Variants in FBXL7 observed in about 807,000 individuals in gnomAD.
The protein encoded by FBXL7 is F-box/LRR-repeat protein 7.
In FBXL7, 12 loss-of-function variants were observed where a neutral mutation model predicts 38.3. That is an observed-to-expected ratio of 0.31 (90% confidence interval 0.20 to 0.51). The LOEUF (loss-of-function observed/expected upper bound fraction) is 0.51. Among genes scored for constraint, FBXL7 ranks in the 20% least tolerant of loss-of-function variants. The pLI, the probability that FBXL7 is intolerant of heterozygous loss-of-function variation, is 0.98. For missense variants in FBXL7, 567 were observed against 676.4 expected, an observed-to-expected ratio of 0.84 and a Z score of 1.79; for synonymous variants, 297 against 300.9, an observed-to-expected ratio of 0.99 and a Z score of 0.13.
At chr5:15,876,120 G>C (rs1235680305) in intron 2 of FBXL7, among the ~76,000 whole-genome samples, 1 of 152,114 alleles carries the variant, frequency 6.6e-6, no homozygotes, top group Non-Finnish European at 1.5e-5. Flanking sequence ...GATGAAGCTG[G>C]AAACCATCAT....
intron 1 of FBXL7, among the ~76,000 whole-genome samples, chr5:15,527,780 G>A (rs1489659857): frequency 6.6e-6 from 1 of 152,128 alleles, no homozygotes; most frequent in East Asian, 1.9e-4. Context: ...GGAACTGTAG[G>A]TCATCTGTAC....
chr5:15,665,093 T>C, intron 2 of FBXL7, among the ~76,000 whole-genome samples: 1 of 152,190 alleles, frequency 6.6e-6, no homozygotes, highest in East Asian at 1.9e-4. Flanking sequence ...CTTAGTGCCT[T>C]AAGCCTTATG....
At chr5:15,605,683 T>G (rs1344474575) in intron 1 of FBXL7, among the ~76,000 whole-genome samples, 1 of 152,184 alleles carries the variant, frequency 6.6e-6, no homozygotes, top group African/African-American at 2.4e-5. Context: ...ATTATGAATG[T>G]AATTAATGCA....
intron 2 of FBXL7, among the ~76,000 whole-genome samples, chr5:15,740,149 A>G (rs961041894): frequency 6.6e-6 from 1 of 152,154 alleles, no homozygotes; most frequent in African/African-American, 2.4e-5. Context: ...TGGGAAGAAT[A>G]CCCCATAACT....
intron 2 of FBXL7, among the ~76,000 whole-genome samples, chr5:15,798,310 G>C (rs181437342): frequency 6.6e-6 from 1 of 152,174 alleles, no homozygotes; most frequent in Non-Finnish European, 1.5e-5. Context: ...GCTCAAGGAT[G>C]TTGGAAAAGC....
At chr5:15,633,569 C>T (rs184209633) in intron 2 of FBXL7, among the ~76,000 whole-genome samples, 5 of 151,754 alleles carry the variant, frequency 3.3e-5, no homozygotes, top group African/African-American at 1.2e-4. Flanking sequence ...AACTGAAGTT[C>T]CAACACAAGG....
chr5:15,645,945 G>T (rs2126563127), intron 2 of FBXL7, among the ~76,000 whole-genome samples: 1 of 152,264 alleles, frequency 6.6e-6, no homozygotes, highest in Admixed American at 6.5e-5. Flanking sequence ...ATCATGTGCG[G>T]CCAGTTGCTT....
intron 1 of FBXL7, among the ~76,000 whole-genome samples, chr5:15,564,035 C>T (rs1738491396): frequency 1.3e-5 from 2 of 152,044 alleles, no homozygotes; most frequent in African/African-American, 4.8e-5. Context: ...AACCATTCTT[C>T]CTGGTTCACA....
At chr5:15,568,437 G>GT (rs1370487480) in intron 1 of FBXL7, among the ~76,000 whole-genome samples, 4 of 151,606 alleles carry the variant, frequency 2.6e-5, no homozygotes, top group African/African-American at 9.7e-5. Flanking sequence ...TTTTTGATGG[G>GT]GTTTTTTTTT....
intron 2 of FBXL7, among the ~76,000 whole-genome samples, chr5:15,884,365 C>A (rs2126347730): frequency 6.6e-6 from 1 of 152,138 alleles, no homozygotes; most frequent in Admixed American, 6.5e-5. Flanking sequence ...CTCCCGGGTT[C>A]ACACCATTCT....
chr5:15,784,928 A>G (rs150118712), intron 2 of FBXL7, among the ~76,000 whole-genome samples: 9 of 152,300 alleles, frequency 5.9e-5, no homozygotes, highest in African/African-American at 1.2e-4. Context: ...ACAAGATTCT[A>G]CGTGTGTGTA....
chr5:15,799,892 C>G (rs372537156), intron 2 of FBXL7, among the ~76,000 whole-genome samples: 1 of 151,954 alleles, frequency 6.6e-6, no homozygotes, highest in African/African-American at 2.4e-5. Flanking sequence ...CCAACTATCA[C>G]TCTCAGCAGT....
chr5:15,936,745 C>A lies in FBXL7; in HGVS notation c.1035C>A (p.Ile345=). The A allele has an allele frequency of 6.2e-7, 1 of 1,609,480 alleles. No individual in the cohort carries two copies. Among genetic ancestry groups the A allele is most frequent in the Non-Finnish European group, 8.5e-7 (1 of 1,179,240 alleles). The change falls in exon 4 of 4, where the codon ATC becomes ATA. Residue 345 remains isoleucine (I), a synonymous_variant. Transcript: ENST00000504595. The surrounding 1 kb of genome is among the most constrained non-coding windows in gnomAD (Gnocchi z 6.0). ...TCAGCGACTTCGGCCTGCGGGAGATCGCCAAGCTGGAGTCCCGCCTGCGGT... is the reference window on the plus strand; with the variant it reads ...TCAGCGACTTCGGCCTGCGGGAGATAGCCAAGCTGGAGTCCCGCCTGCGGT... ...RFVSDFGLRE[I]AKLESRLRYL... is the part of the protein sequence containing the mutation.
At chr5:15,797,269 G>A (rs1282258694) in intron 2 of FBXL7, among the ~76,000 whole-genome samples, 2 of 152,194 alleles carry the variant, frequency 1.3e-5, no homozygotes, top group African/African-American at 4.8e-5. Context: ...AACTATGAAA[G>A]TACCACTAGA....
At chr5:15,559,830 G>GTAAT (rs1439246412) in intron 1 of FBXL7, among the ~76,000 whole-genome samples, 5 of 152,244 alleles carry the variant, frequency 3.3e-5, no homozygotes, top group African/African-American at 1.2e-4. Flanking sequence ...ACTGAATAGT[G>GTAAT]TAATGCAAGG....
chr5:15,581,638 C>T (rs1036783807), intron 1 of FBXL7, among the ~76,000 whole-genome samples: 6 of 152,212 alleles, frequency 3.9e-5, no homozygotes, highest in African/African-American at 1.4e-4. Flanking sequence ...AAGTCCTACT[C>T]AGCAGACTGT....
rs1741200609 is a variant in FBXL7 at position 15,636,790 on chromosome 5, C to G, written c.127+20718C>G. The stretch of plus-strand genomic sequence containing the variant: ...GATTTTTAGTTTGGATGTCTTTAAA[C>G]TCTGTAAGGTTAAAATATGCTTTTA... On this transcript the variant is annotated intron_variant, in intron 2 of 3. Coordinates refer to ENST00000504595, the MANE Select transcript of FBXL7 (RefSeq NM_012304.5). Among the ~76,000 whole-genome samples the G allele has an allele frequency of 2.7e-5, 4 of 149,114 alleles. No homozygotes were observed. In the South Asian group the frequency reaches 9.0e-4, roughly 34 times the overall value.
At chr5:15,837,760 C>T (rs1738632025) in intron 2 of FBXL7, among the ~76,000 whole-genome samples, 1 of 151,920 alleles carries the variant, frequency 6.6e-6, no homozygotes, top group South Asian at 2.1e-4. Context: ...AGTGCATTGT[C>T]CTTGAAAATA....
intron 2 of FBXL7, among the ~76,000 whole-genome samples, chr5:15,620,412 T>G (rs1404413490): frequency 9.6e-5 from 10 of 103,900 alleles, no homozygotes; most frequent in Admixed American, 2.8e-4. Context: ...TTTTGTTTTT[T>G]GTTTTTTTTT....
Sources: allele counts gnomAD v4.1 joint callset (sites outside exome capture counted in the v4.1 genomes callset), GRCh38; gene constraint gnomAD v4.1.1; non-coding constraint Gnocchi (gnomAD v3.1); transcripts MANE v1.5; gene names NCBI Gene and HGNC (gene_info 2026-07-23, HGNC 2026-07-21).